NYAP2: variants seen among roughly 807,000 people sequenced by gnomAD.
NYAP2 encodes neuronal tyrosine-phosphorylated phosphoinositide-3-kinase adaptor 2.
NYAP2 carries 23 observed loss-of-function variants against 50.4 expected under a neutral mutation model. That is an observed-to-expected ratio of 0.46 (90% CI 0.33 to 0.65). NYAP2 has a LOEUF of 0.65. NYAP2 is among the 30% of genes least tolerant of loss of function. The probability of loss-of-function intolerance (pLI) is 0.02; values close to 1 mark genes in which losing one functional copy is unlikely to be tolerated. For missense variants in NYAP2, 885 were observed against 861.0 expected, an observed-to-expected ratio of 1.03 and a Z score of -0.35; for synonymous variants, 394 against 365.2, an observed-to-expected ratio of 1.08 and a Z score of -0.90.
intron 3 of NYAP2, among the ~76,000 whole-genome samples, chr2:225,416,482 G>T (rs1374624515): frequency 6.6e-6 from 1 of 152,038 alleles, no homozygotes; most frequent in African/African-American, 2.4e-5. Context: ...ATTGTTTTCA[G>T]TTAGAGCCAT....
chr2:225,428,743 C>A (rs144086744), intron 3 of NYAP2, among the ~76,000 whole-genome samples: 120 of 152,302 alleles, frequency 7.9e-4, no homozygotes, highest in African/African-American at 2.8e-3. Flanking sequence ...CATCAGGAAA[C>A]TGGGCTTTAG....
intron 3 of NYAP2, among the ~76,000 whole-genome samples, chr2:225,504,773 G>C (rs1690673014): frequency 6.6e-6 from 1 of 152,094 alleles, no homozygotes; most frequent in South Asian, 2.1e-4. Flanking sequence ...ACTTTGGGAA[G>C]CTGAGGCAGG....
At chr2:225,679,206 G>C in the NYAP2 span, among the ~76,000 whole-genome samples, 673 of 143,192 alleles carry the variant, frequency 4.7e-3, 9 homozygotes, top group African/African-American at 0.016. Flanking sequence ...TACTTTATTT[G>C]AGAAAAAAAA....
At chr2:225,689,060 C>A in the NYAP2 span, among the ~76,000 whole-genome samples, 1 of 152,120 alleles carries the variant, frequency 6.6e-6, no homozygotes, top group East Asian at 1.9e-4. Flanking sequence ...GAACATCAAA[C>A]ACACACATAC....
chr2:225,574,699 A>G (rs1046845875), intron 4 of NYAP2, among the ~76,000 whole-genome samples: 1 of 151,640 alleles, frequency 6.6e-6, no homozygotes. Context: ...GATGAAAGAC[A>G]GAACTACAAA....
intron 4 of NYAP2, among the ~76,000 whole-genome samples, chr2:225,538,124 C>T (rs1323015087): frequency 3.9e-5 from 6 of 152,160 alleles, no homozygotes; most frequent in Non-Finnish European, 5.9e-5. Flanking sequence ...CACAGGCTGG[C>T]GTTTAGTGTC....
chr2:225,668,409 T>C, the NYAP2 span, among the ~76,000 whole-genome samples: 2 of 152,214 alleles, frequency 1.3e-5, no homozygotes, highest in Admixed American at 1.3e-4. Context: ...CTATATACTC[T>C]GCGTACCAGG....
chr2:225,658,349 A>G (rs140092658), downstream of NYAP2, among the ~76,000 whole-genome samples: 92 of 152,358 alleles, frequency 6.0e-4, no homozygotes, highest in Admixed American at 1.2e-3. Context: ...CATCAGCATT[A>G]TGTTTGAGAA....
At chr2:225,681,630 T>C in the NYAP2 span, among the ~76,000 whole-genome samples, 1 of 152,206 alleles carries the variant, frequency 6.6e-6, no homozygotes, top group African/African-American at 2.4e-5. Context: ...ATGAGCACTT[T>C]TGGTCACATG....
At chr2:225,466,006 G>A (rs1299118648) in intron 3 of NYAP2, among the ~76,000 whole-genome samples, 3 of 152,152 alleles carry the variant, frequency 2.0e-5, no homozygotes, top group Non-Finnish European at 4.4e-5. Context: ...TACAATTGAA[G>A]ACACCATGCC....
rs559740420 is a variant in NYAP2, at chr2:225,483,683, T to C, written c.222-29688T>C. Among the ~76,000 whole-genome samples, 17 of 152,324 alleles carry C rather than the reference T, an allele frequency of 1.1e-4. No individual in the cohort carries two copies. In the East Asian group the frequency reaches 2.7e-3, roughly 24 times the overall value. ...CATACTGCTCAAAATATTTGTTCGT[T>C]TTCAGTTTTACAGGGAGAATGGAAA... On this transcript the variant is annotated intron_variant, in intron 3 of 6. Transcript: ENST00000636099.
intron 4 of NYAP2, among the ~76,000 whole-genome samples, chr2:225,566,915 A>G (rs939612000): frequency 1.3e-5 from 2 of 150,418 alleles, no homozygotes; most frequent in Non-Finnish European, 3.0e-5. Flanking sequence ...TTACAGTAAT[A>G]TGTGTGTGTG....
chr2:225,561,455 A>G (rs186629401), intron 4 of NYAP2, among the ~76,000 whole-genome samples: 21 of 152,242 alleles, frequency 1.4e-4, no homozygotes, highest in African/African-American at 4.3e-4. Context: ...TAGTCAACTC[A>G]TGGCATTATA....
chr2:225,444,289 A>C (rs1689517696), intron 3 of NYAP2, among the ~76,000 whole-genome samples: 1 of 152,176 alleles, frequency 6.6e-6, no homozygotes, highest in Non-Finnish European at 1.5e-5. Context: ...GAATCAATAC[A>C]AGTAAAATTA....
intron 6 of NYAP2, among the ~76,000 whole-genome samples, chr2:225,644,014 G>A (rs1253620959): frequency 6.8e-6 from 1 of 146,578 alleles, no homozygotes. Context: ...CTGAGGAATT[G>A]CCACACTGAC....
At chr2:225,635,978 T>G (rs893611324) in intron 6 of NYAP2, among the ~76,000 whole-genome samples, 2 of 152,196 alleles carry the variant, frequency 1.3e-5, no homozygotes, top group African/African-American at 4.8e-5. Context: ...TCTATTCCTT[T>G]AGTCATTTAT....
At chr2:225,455,690 G>A (rs1383894590) in intron 3 of NYAP2, among the ~76,000 whole-genome samples, 1 of 152,134 alleles carries the variant, frequency 6.6e-6, no homozygotes, top group Non-Finnish European at 1.5e-5. Context: ...GAAGAATATG[G>A]AATATTGACA....
chr2:225,676,927 T>G, the NYAP2 span, among the ~76,000 whole-genome samples: 1 of 152,182 alleles, frequency 6.6e-6, no homozygotes, highest in Non-Finnish European at 1.5e-5. Flanking sequence ...GAATAGATTT[T>G]TATAATTCTG....
intron 3 of NYAP2, among the ~76,000 whole-genome samples, chr2:225,434,738 A>G (rs999982927): frequency 9.9e-5 from 15 of 152,200 alleles, no homozygotes; most frequent in Non-Finnish European, 1.8e-4. Flanking sequence ...ACATGTTTCT[A>G]TATTATCATT....
Sources: allele counts gnomAD v4.1 joint callset (sites outside exome capture counted in the v4.1 genomes callset), GRCh38; gene constraint gnomAD v4.1.1; transcripts MANE v1.5; gene names NCBI Gene and HGNC (gene_info 2026-07-23, HGNC 2026-07-21).